CLPTM1L: variants seen among roughly 807,000 people sequenced by gnomAD.
CLPTM1L encodes the protein CLPTM1 like, also known as lipid scramblase CLPTM1L.
In CLPTM1L, 38 loss-of-function variants were observed where a neutral mutation model predicts 70.9. The observed-to-expected ratio is 0.54, with a 90% CI of 0.41 to 0.70. The LOEUF (loss-of-function observed/expected upper bound fraction) is 0.70, where lower values mean the gene tolerates loss of function less well. CLPTM1L is among the 30% of genes least tolerant of loss of function. The pLI is 0.00. For missense variants in CLPTM1L, 652 were observed against 705.9 expected (o/e 0.92, Z 0.87); for synonymous variants, 339 against 299.9 (o/e 1.13, Z -1.35).
At chr5:1,344,570 C>T in intron 1 of CLPTM1L, 110 bp downstream of exon 1, 1 of 1,461,824 alleles carries the variant, frequency 6.8e-7, no homozygotes, top group East Asian at 2.5e-5. Context: ...AAGGTTCCAT[C>T]TCGACTCGCG....
intron 11 of CLPTM1L, chr5:1,324,179 GAA>G (rs1253746805): frequency 1.7e-5 from 7 of 424,004 alleles, no homozygotes; most frequent in Non-Finnish European, 2.5e-5. Context: ...AAAGAAACCG[GAA>G]AAAACTGCCT....
chr5:1,338,749 G>A lies in CLPTM1L; in HGVS notation c.599+111C>T. ...GAGCTGGGAGGCCCGGGCAGCAAGT[G>A]CCTCCCCACAGAGGGGACTCCACGG... On this transcript the variant is annotated intron_variant, in intron 4 of 16. Transcript: ENST00000320895. The A allele has an allele frequency of 4.7e-6, 6 of 1,274,080 alleles. No homozygotes were observed. The South Asian group carries it at 5.5e-5, about 12-fold the overall frequency. 78.9% of individuals were successfully genotyped at this position (1,274,080 alleles called of 1,614,324 possible). A position where few individuals can be genotyped will look rare whatever the true frequency, so the allele number is the denominator to read the frequency against.
chr5:1,344,604 G>C (rs898741384), intron 1 of CLPTM1L, 76 bp downstream of exon 1: 4 of 1,497,810 alleles, frequency 2.7e-6, no homozygotes. Context: ...GAACTGGGAC[G>C]GGAAGGCGAC....
rs369654545 is a variant in CLPTM1L, at chr5:1,321,730, G to A, written c.1371+34C>T. 78 of 1,613,812 alleles carry A rather than the reference G, an allele frequency of 4.8e-5. No individual in the cohort carries two copies. The African/African-American group carries it at 8.9e-4, about 18-fold the overall frequency. On this transcript the variant is annotated intron_variant, in intron 14 of 16. Coordinates refer to ENST00000320895, the MANE Select transcript of CLPTM1L (RefSeq NM_030782.5). ...TCAGCTGTGGGCAGCACAGGAGACG[G>A]GGGCCGGGCCGCGGGCAGCACACAC...
At chr5:1,324,671 A>T in intron 11 of CLPTM1L, 92 bp downstream of exon 11, 3 of 1,239,066 alleles carry the variant, frequency 2.4e-6, no homozygotes, top group African/African-American at 1.5e-5. Flanking sequence ...CTCCAAGGAG[A>T]CTTCCGCACT....
At chr5:1,336,765 G>A (rs1012373948) in intron 5 of CLPTM1L, among the ~76,000 whole-genome samples, 6 of 152,242 alleles carry the variant, frequency 3.9e-5, no homozygotes, top group Admixed American at 3.3e-4. Context: ...CCAGCCTGCA[G>A]GTTGTATAGG....
chr5:1,338,171 C>T (rs1753703422), intron 4 of CLPTM1L, 189 bp from the exon 5 acceptor site: 3 of 608,612 alleles, frequency 4.9e-6, no homozygotes, highest in Middle Eastern at 8.2e-4. Context: ...CATATGCACG[C>T]TTGTGAGACC....
In CLPTM1L at chr5:1,334,239, C is replaced by T. The variant is rs779637465; in HGVS notation, c.891+50G>A. 1.1e-5 allele frequency: 15 copies of T among 1,411,652 alleles called. No individual in the cohort carries two copies. In the South Asian group the frequency reaches 1.7e-4, roughly 16 times the overall value. 87.4% of individuals were successfully genotyped at this position (1,411,652 alleles called of 1,614,324 possible). ...AGGACCCCTGCAGGAGGCCCGGGGCCCAGGGAGCCCCCCAAGTGCCTGCGG... is the reference window on the plus strand; with the variant it reads ...AGGACCCCTGCAGGAGGCCCGGGGCTCAGGGAGCCCCCCAAGTGCCTGCGG... On this transcript the variant is annotated intron_variant, in intron 7 of 16. Coordinates refer to ENST00000320895, the MANE Select transcript of CLPTM1L (RefSeq NM_030782.5).
In CLPTM1L at chr5:1,342,223, G is replaced by C. The variant is rs1753995672; in HGVS notation, c.264-363C>G. On this transcript the variant is annotated intron_variant, in intron 2 of 16. Transcript: ENST00000320895. The surrounding 1 kb of genome is among the most constrained non-coding windows in gnomAD (Gnocchi z 4.3). ...TCTGGGCCTGGCCAGGGTACCAGCT[G>C]ACCACACACACTGAATCACCCAACT... 6.6e-6 allele frequency among the ~76,000 whole-genome samples: 1 copy of C among 152,138 alleles called. No homozygotes were observed. Among genetic ancestry groups the C allele is most frequent in the Non-Finnish European group, 1.5e-5 (1 of 68,026 alleles).
At chr5:1,333,623 C>T (rs1753316433) in intron 7 of CLPTM1L, among the ~76,000 whole-genome samples, 1 of 128,894 alleles carries the variant, frequency 7.8e-6, no homozygotes, top group Non-Finnish European at 1.5e-5. Flanking sequence ...ATTGTATACA[C>T]ACCAGATGAG....
chr5:1,318,056 C>T lies in CLPTM1L; in HGVS notation c.*313G>A. The T allele has an allele frequency of 2.7e-6, 1 of 363,858 alleles. No homozygotes were observed. Among genetic ancestry groups the T allele is most frequent in the Non-Finnish European group, 4.9e-6 (1 of 202,820 alleles). 22.5% of individuals were successfully genotyped at this position (363,858 alleles called of 1,614,324 possible). A position where few individuals can be genotyped will look rare whatever the true frequency, so the allele number is the denominator to read the frequency against. On this transcript the variant is annotated 3_prime_UTR_variant, in exon 17 of 17. Transcript: ENST00000320895. The surrounding 1 kb of genome is among the most constrained non-coding windows in gnomAD (Gnocchi z 8.9). ...AATGGAAATCCAACAGCCCCCTTGCCTGTGAGGGCTCCCACCCCTGCCCGC... is the reference window on the plus strand; with the variant it reads ...AATGGAAATCCAACAGCCCCCTTGCTTGTGAGGGCTCCCACCCCTGCCCGC...
chr5:1,330,372 A>G lies in CLPTM1L; in HGVS notation c.988T>C (p.Cys330Arg). 6.2e-7 allele frequency: 1 copy of G among 1,612,798 alleles called. No homozygotes were observed. Among genetic ancestry groups the G allele is most frequent in the African/African-American group, 1.3e-5 (1 of 75,042 alleles). ...AGAAAGATGACCACGGTGCTGAAGCAGCGCCAGAGCACTGGGGACAGGATG... is the reference window on the plus strand; with the variant it reads ...AGAAAGATGACCACGGTGCTGAAGCGGCGCCAGAGCACTGGGGACAGGATG... ...GMSTKAVLWR[C>R]FSTVVIFLFL... is the part of the protein sequence containing the mutation. Residue 330 changes from cysteine to arginine, a missense_variant, in exon 9 of 17, where the codon TGC becomes CGC. Coordinates refer to ENST00000320895, the MANE Select transcript of CLPTM1L (RefSeq NM_030782.5).
chr5:1,342,042 A>ACGCG lies in CLPTM1L; in HGVS notation c.264-186_264-183dup, dbSNP rs113865534. On this transcript the variant is annotated intron_variant, in intron 2 of 16. Coordinates refer to ENST00000320895, the MANE Select transcript of CLPTM1L (RefSeq NM_030782.5). This position sits in a 1 kb window ranked among gnomAD's most constrained non-coding sequence, Gnocchi z 4.3. Reference sequence around the variant, plus strand: ...TGTGTGTGTGTGTGTGTGTGTGTGCACGCGCACGCGTGCGCGTCCTGAGAA... The same window carrying ACGCG: ...TGTGTGTGTGTGTGTGTGTGTGTGCACGCGCGCGCACGCGTGCGCGTCCTGAGAA... Among the ~76,000 whole-genome samples, 68 of 146,774 alleles carry ACGCG rather than the reference A, an allele frequency of 4.6e-4. No individual in the cohort carries two copies. The highest frequency in any genetic ancestry group is 1.7e-3 in the African/African-American group (67 of 39,094).
In CLPTM1L at chr5:1,321,728, C is replaced by T. The variant is rs149535766; in HGVS notation, c.1371+36G>A. 4.1e-4 allele frequency: 663 copies of T among 1,613,836 alleles called. 2 individuals carry two copies. In the African/African-American group the frequency reaches 7.3e-3, roughly 18 times the overall value. ...GGTCAGCTGTGGGCAGCACAGGAGA[C>T]GGGGGCCGGGCCGCGGGCAGCACAC... On this transcript the variant is annotated intron_variant, in intron 14 of 16. Coordinates refer to ENST00000320895, the MANE Select transcript of CLPTM1L (RefSeq NM_030782.5).
chr5:1,340,370 A>G (rs911115419), intron 3 of CLPTM1L, among the ~76,000 whole-genome samples: 1 of 152,216 alleles, frequency 6.6e-6, no homozygotes, highest in African/African-American at 2.4e-5. Context: ...GTTAAACAGG[A>G]CATGGACTGA....
At chr5:1,338,253 G>A (rs917470551) in intron 4 of CLPTM1L, 2 of 535,582 alleles carry the variant, frequency 3.7e-6, no homozygotes, top group Non-Finnish European at 3.4e-6. Context: ...GAATTACAGG[G>A]ACACGGCCGT....
At chr5:1,323,047 G>T in intron 12 of CLPTM1L, 136 bp from the exon 13 acceptor site, 1 of 855,794 alleles carries the variant, frequency 1.2e-6, no homozygotes, top group Non-Finnish European at 1.9e-6. Context: ...GCAGCCAAGA[G>T]CAGCAGTGCT....
At chr5:1,341,301 G>A (rs1270573033) in intron 3 of CLPTM1L, among the ~76,000 whole-genome samples, 1 of 152,168 alleles carries the variant, frequency 6.6e-6, no homozygotes, top group Non-Finnish European at 1.5e-5. Flanking sequence ...AATGCAGAAT[G>A]AGCCCAGCTC....
At chr5:1,329,481 C>A (rs111724030) in intron 9 of CLPTM1L, among the ~76,000 whole-genome samples, 16 of 144,448 alleles carry the variant, frequency 1.1e-4, no homozygotes, top group African/African-American at 4.3e-4. Flanking sequence ...CCTCAGGACT[C>A]TCTGCTTGGT....
Sources: gnomAD v4.1 joint callset for allele counts (sites outside exome capture counted in the v4.1 genomes callset) on GRCh38, gnomAD v4.1.1 for gene constraint, Gnocchi (gnomAD v3.1) non-coding constraint, MANE v1.5 for transcripts, NCBI Gene and HGNC (gene_info 2026-07-23, HGNC 2026-07-21) for gene names.